The following FAM169A variants were observed in gnomAD, a reference collection of about 807,000 sequenced individuals.
The protein encoded by FAM169A is family with sequence similarity 169 member A.
A neutral mutation model predicts 75.7 loss-of-function variants in FAM169A; 24 were observed. The observed-to-expected ratio is 0.32, with a 90% confidence interval of 0.23 to 0.45. FAM169A has a LOEUF of 0.45. Ranked by LOEUF, FAM169A falls within the 20% of genes least tolerant of loss-of-function variation. The probability of loss-of-function intolerance (pLI) is 1.00; values close to 1 mark genes in which losing one functional copy is unlikely to be tolerated. For missense variants in FAM169A, 673 were observed against 784.0 expected, an observed-to-expected ratio of 0.86 and a Z score of 1.69; for synonymous variants, 271 against 271.0, an observed-to-expected ratio of 1.00 and a Z score of 0.00.
At chr5:74,844,532 C>T (rs1195966599) in intron 1 of FAM169A, among the ~76,000 whole-genome samples, 3 of 151,478 alleles carry the variant, frequency 2.0e-5, no homozygotes, top group African/African-American at 7.3e-5. Context: ...AAAAAATAAA[C>T]TTATGGGCCA....
In FAM169A at chr5:74,825,815, T is replaced by C. The variant is rs180735177; in HGVS notation, c.490+8611A>G. Among the ~76,000 whole-genome samples the C allele has an allele frequency of 4.1e-3, 627 of 152,258 alleles. 6 individuals are homozygous for C. The highest frequency in any genetic ancestry group is 0.014 in the African/African-American group (600 of 41,560). ...TTTTGTCTAAATCATTCTCTCACTT[T>C]ATGGAGGCTTTCAAAATCTTTTCTC... is the stretch of plus-strand genomic sequence containing the variant. On this transcript the variant is annotated intron_variant, in intron 5 of 12. Transcript: ENST00000687041.
intron 5 of FAM169A, among the ~76,000 whole-genome samples, chr5:74,824,511 G>C (rs1747916742): frequency 1.3e-5 from 2 of 151,994 alleles, no homozygotes; most frequent in African/African-American, 4.8e-5. Flanking sequence ...TATCATTCCA[G>C]GCTGAGAAGG....
intron 11 of FAM169A, among the ~76,000 whole-genome samples, chr5:74,786,008 T>C (rs1401567347): frequency 6.6e-6 from 1 of 152,168 alleles, no homozygotes; most frequent in African/African-American, 2.4e-5. Context: ...GCACCCTCAA[T>C]CTGGGTGGGC....
Position 74,813,890 on chromosome 5 carries a change from G to T in FAM169A, c.620C>A (p.Thr207Lys). ...HMLEDFVDSF[T>K]EDALGLRYPL... is the part of the protein sequence containing the mutation. The stretch of plus-strand genomic sequence containing the variant: ...ATACCGCAAGCCAAGCGCATCTTCT[G>T]TAAAGGAATCAACAAAGTCCTCCAG... Residue 207 changes from threonine to lysine, a missense_variant, in exon 6 of 13, where the codon ACA becomes AAA. This residue lies in a region of FAM169A where 510 missense variants were observed against 550.9 expected (regional missense o/e 0.93). Transcript: ENST00000687041. The T allele has an allele frequency of 6.2e-7, 1 of 1,608,272 alleles. No individual in the cohort carries two copies. The highest frequency in any genetic ancestry group is 8.5e-7 in the Non-Finnish European group (1 of 1,178,574).
At chr5:74,814,335 A>C (rs1475502238) in intron 5 of FAM169A, among the ~76,000 whole-genome samples, 1 of 152,126 alleles carries the variant, frequency 6.6e-6, no homozygotes, top group African/African-American at 2.4e-5. Context: ...CTATAGACTC[A>C]TGCAACTCTA....
intron 3 of FAM169A, 74 bp from the exon 4 acceptor site, chr5:74,839,124 C>T: frequency 9.9e-7 from 1 of 1,005,714 alleles, no homozygotes; most frequent in South Asian, 1.3e-5. Context: ...CCATATTGTA[C>T]TATAAAGTAT....
At chr5:74,808,329 C>T (rs1031344160) in intron 6 of FAM169A, among the ~76,000 whole-genome samples, 1 of 152,172 alleles carries the variant, frequency 6.6e-6, no homozygotes, top group African/African-American at 2.4e-5. Flanking sequence ...TATGCTACAA[C>T]ATGATGGACC....
intron 5 of FAM169A, among the ~76,000 whole-genome samples, chr5:74,825,884 G>A (rs558253851): frequency 7.2e-5 from 11 of 152,222 alleles, no homozygotes; most frequent in African/African-American, 2.6e-4. Flanking sequence ...TGGTATGAGT[G>A]TATCTTAATT....
At chr5:74,852,706 T>C (rs562685769) in intron 1 of FAM169A, among the ~76,000 whole-genome samples, 2 of 146,694 alleles carry the variant, frequency 1.4e-5, no homozygotes, top group Non-Finnish European at 3.0e-5. Flanking sequence ...TAACGGCAAA[T>C]GGTGGTGGAA....
At chr5:74,837,201 C>T (rs1748615346) in intron 4 of FAM169A, among the ~76,000 whole-genome samples, 1 of 152,092 alleles carries the variant, frequency 6.6e-6, no homozygotes, top group African/African-American at 2.4e-5. Context: ...CATCAGAATG[C>T]TTATTTTCTT....
chr5:74,835,329 C>T (rs757442665), intron 4 of FAM169A, among the ~76,000 whole-genome samples: 4 of 152,116 alleles, frequency 2.6e-5, no homozygotes, highest in South Asian at 2.1e-4. Context: ...CAGGCCAGTA[C>T]GGGGACTCAT....
chr5:74,836,221 G>A (rs954609341), intron 4 of FAM169A, among the ~76,000 whole-genome samples: 4 of 152,056 alleles, frequency 2.6e-5, no homozygotes, highest in Admixed American at 2.0e-4. Context: ...TTTTTCATAC[G>A]TACTGTTGTT....
At position 74,777,676 on chromosome 5, in the gene FAM169A, T is replaced by G. The variant is rs1314132571; in HGVS notation, c.*3784A>C. On this transcript the variant is annotated 3_prime_UTR_variant, in exon 13 of 13. Coordinates refer to ENST00000687041, the MANE Select transcript of FAM169A (RefSeq NM_001376049.1). ...CAAAGTCATTCAATGTCTAAACAAA[T>G]TCAGTATCTGAAACATCTTCATGAG... The G allele has an allele frequency of 1.3e-5, 2 of 152,004 alleles. No individual in the cohort carries two copies. Among genetic ancestry groups the G allele is most frequent in the Non-Finnish European group, 1.5e-5 (1 of 67,920 alleles). The allele number at this position is 152,004 out of a possible 1,614,324, so 9.4% of individuals were successfully genotyped here.
intron 5 of FAM169A, among the ~76,000 whole-genome samples, chr5:74,828,717 T>C (rs1748160112): frequency 6.6e-6 from 1 of 152,222 alleles, no homozygotes; most frequent in Non-Finnish European, 1.5e-5. Context: ...AGTTACTACA[T>C]AATCTACCCT....
chr5:74,781,220 CA>C lies in FAM169A; in HGVS notation c.*239del. 2.2e-6 allele frequency: 1 copy of C among 454,460 alleles called. No individual in the cohort carries two copies. The highest frequency in any genetic ancestry group is 3.9e-6 in the Non-Finnish European group (1 of 257,426). 28.2% of individuals were successfully genotyped at this position (454,460 alleles called of 1,614,324 possible). A position where few individuals can be genotyped will look rare whatever the true frequency, so the allele number is the denominator to read the frequency against. On this transcript the variant is annotated 3_prime_UTR_variant, in exon 13 of 13. Coordinates refer to ENST00000687041, the MANE Select transcript of FAM169A (RefSeq NM_001376049.1). ...GAAAATATAATATGATCTGGTTTCC[CA>C]AAATTGAAACATGGTTAATAAAAAT... is the stretch of plus-strand genomic sequence containing the variant.
At position 74,866,290 on chromosome 5, in the gene FAM169A, C is replaced by T; in HGVS notation, c.-129G>A. The stretch of plus-strand genomic sequence containing the variant: ...TCCCAGGCCGCACAGCTCGCGGCTG[C>T]CAGGGCGAGTGCGGCTGCCTCCCGC... On this transcript the variant is annotated 5_prime_UTR_variant, in exon 1 of 13. Coordinates refer to ENST00000687041, the MANE Select transcript of FAM169A (RefSeq NM_001376049.1). 2.0e-6 allele frequency: 2 copies of T among 984,088 alleles called. No individual in the cohort carries two copies. The highest frequency in any genetic ancestry group is 1.2e-6 in the Non-Finnish European group (1 of 829,284). The allele number at this position is 984,088 out of a possible 1,614,324, so 61.0% of individuals were successfully genotyped here. A position where few individuals can be genotyped will look rare whatever the true frequency, so the allele number is the denominator to read the frequency against.
At chr5:74,821,502 TTCAGATTCAGATTA>T (rs948222680) in intron 5 of FAM169A, among the ~76,000 whole-genome samples, 2 of 152,118 alleles carry the variant, frequency 1.3e-5, no homozygotes, top group African/African-American at 2.4e-5. Flanking sequence ...TAAAGTGAAT[TTCAGATTCAGATTA>T]TCAGATTCAG....
chr5:74,834,208 G>A (rs1453571134), intron 5 of FAM169A, among the ~76,000 whole-genome samples: 1 of 152,028 alleles, frequency 6.6e-6, no homozygotes, highest in African/African-American at 2.4e-5. Context: ...ATCTTCTTCG[G>A]GATCAAATGT....
intron 1 of FAM169A, chr5:74,848,602 T>C (rs1326118196): frequency 1.3e-5 from 2 of 152,208 alleles, no homozygotes; most frequent in African/African-American, 2.4e-5. Flanking sequence ...TGCCGCTAAC[T>C]AGCTTTATGA....
Sources: gnomAD v4.1 joint callset for allele counts (sites outside exome capture counted in the v4.1 genomes callset) on GRCh38, gnomAD v4.1.1 for gene constraint, gnomAD v4.1.1 regional missense constraint, MANE v1.5 for transcripts, NCBI Gene and HGNC (gene_info 2026-07-23, HGNC 2026-07-21) for gene names.